KAZN: variants seen among roughly 807,000 people sequenced by gnomAD.
KAZN encodes kazrin.
KAZN carries 40 observed loss-of-function variants against 87.4 expected under a neutral mutation model. The observed-to-expected ratio is 0.46, with a 90% CI of 0.36 to 0.60. The LOEUF (loss-of-function observed/expected upper bound fraction) is 0.60, where lower values mean the gene tolerates loss of function less well. Among genes scored for constraint, KAZN ranks in the 20% least tolerant of loss-of-function variants. The pLI is 0.00. For missense variants in KAZN, 898 were observed against 1,073.9 expected, an observed-to-expected ratio of 0.84 and a Z score of 2.29; for synonymous variants, 466 against 458.3, an observed-to-expected ratio of 1.02 and a Z score of -0.22.
intron 1 of KAZN, among the ~76,000 whole-genome samples, chr1:14,103,793 C>T (rs1315355341): frequency 6.6e-6 from 1 of 152,176 alleles, no homozygotes; most frequent in East Asian, 1.9e-4. Flanking sequence ...CCATCTGCAG[C>T]CTGAATTCCC....
At chr1:14,476,989 T>C (rs1308813474) in intron 2 of KAZN, among the ~76,000 whole-genome samples, 2 of 152,254 alleles carry the variant, frequency 1.3e-5, no homozygotes, top group African/African-American at 4.8e-5. Context: ...TTATCATTCA[T>C]GTCTCAATGT....
intron 2 of KAZN, among the ~76,000 whole-genome samples, chr1:14,475,106 T>A (rs1177481046): frequency 6.6e-6 from 1 of 151,910 alleles, no homozygotes; most frequent in Non-Finnish European, 1.5e-5. Flanking sequence ...AGATGACGGA[T>A]GAATGGATGG....
intron 1 of KAZN, among the ~76,000 whole-genome samples, chr1:14,131,053 AC>A (rs1644982191): frequency 6.6e-6 from 1 of 152,220 alleles, no homozygotes; most frequent in African/African-American, 2.4e-5. Context: ...CAGGAAACTT[AC>A]AATCGTGGCA....
At chr1:14,467,972 G>A (rs1301164779) in intron 2 of KAZN, among the ~76,000 whole-genome samples, 1 of 152,148 alleles carries the variant, frequency 6.6e-6, no homozygotes, top group Non-Finnish European at 1.5e-5. Flanking sequence ...TAAATCACGT[G>A]CTCTTCTCTG....
chr1:14,905,897 G>A (rs914163880), intron 1 of KAZN, among the ~76,000 whole-genome samples: 11 of 139,908 alleles, frequency 7.9e-5, no homozygotes, highest in African/African-American at 1.6e-4. Flanking sequence ...GGCCGGACAC[G>A]GTGGCTCATG....
At chr1:15,020,951 C>A (rs925383748) in intron 2 of KAZN, among the ~76,000 whole-genome samples, 3 of 152,164 alleles carry the variant, frequency 2.0e-5, no homozygotes, top group African/African-American at 7.2e-5. Flanking sequence ...CCTCTCTCCT[C>A]TCTTGTAAAC....
chr1:14,741,462 C>G (rs1186456363), intron 1 of KAZN, among the ~76,000 whole-genome samples: 4 of 152,232 alleles, frequency 2.6e-5, no homozygotes, highest in Admixed American at 6.5e-5. Context: ...CAGTTCCAGC[C>G]TCTTCTCTTG....
intron 2 of KAZN, among the ~76,000 whole-genome samples, chr1:14,970,997 C>T (rs1282535623): frequency 1.3e-5 from 2 of 152,216 alleles, no homozygotes; most frequent in Non-Finnish European, 2.9e-5. Flanking sequence ...CAGGCACTCT[C>T]TTCATTCCTT....
chr1:14,170,872 C>T (rs1645941028), intron 1 of KAZN, among the ~76,000 whole-genome samples: 1 of 152,124 alleles, frequency 6.6e-6, no homozygotes, highest in African/African-American at 2.4e-5. Flanking sequence ...CAGGTGCCTG[C>T]CACCATGCCC....
intron 2 of KAZN, among the ~76,000 whole-genome samples, chr1:14,344,861 G>A (rs1022575595): frequency 6.6e-6 from 1 of 151,850 alleles, no homozygotes; most frequent in African/African-American, 2.4e-5. Flanking sequence ...GAGAGTTCAC[G>A]GGTGGACATA....
chr1:14,355,746 C>T (rs972507379), intron 2 of KAZN, among the ~76,000 whole-genome samples: 6 of 152,176 alleles, frequency 3.9e-5, no homozygotes. Context: ...CATGTCCCTG[C>T]AAATGACATG....
At chr1:14,245,111 C>T (rs1054567924) in intron 2 of KAZN, among the ~76,000 whole-genome samples, 2 of 151,960 alleles carry the variant, frequency 1.3e-5, no homozygotes, top group African/African-American at 4.8e-5. Context: ...CCAGTGCCCA[C>T]CACCACGCCT....
chr1:14,533,041 G>A (rs897481141), intron 2 of KAZN, among the ~76,000 whole-genome samples: 1 of 152,110 alleles, frequency 6.6e-6, no homozygotes, highest in African/African-American at 2.4e-5. Context: ...CTGAGGAATC[G>A]CCACACTGAC....
intron 2 of KAZN, among the ~76,000 whole-genome samples, chr1:14,227,332 T>C (rs1647381444): frequency 6.6e-6 from 1 of 152,058 alleles, no homozygotes; most frequent in African/African-American, 2.4e-5. Flanking sequence ...GAATGGTTCT[T>C]CTCTTCCCCG....
chr1:13,953,613 T>C (rs1020289604), intron 1 of KAZN, among the ~76,000 whole-genome samples: 3 of 152,198 alleles, frequency 2.0e-5, no homozygotes, highest in Non-Finnish European at 2.9e-5. Context: ...TTCTTTCTTT[T>C]TTTTCTTCTC....
At chr1:14,864,966 T>C (rs1651286539) in intron 1 of KAZN, among the ~76,000 whole-genome samples, 1 of 152,148 alleles carries the variant, frequency 6.6e-6, no homozygotes. Flanking sequence ...CTGCCATTAG[T>C]GTTACCCAGC....
chr1:14,397,308 C>CA (rs1662980951), intron 2 of KAZN, among the ~76,000 whole-genome samples: 1 of 152,190 alleles, frequency 6.6e-6, no homozygotes, highest in African/African-American at 2.4e-5. Flanking sequence ...CCAGCATGGT[C>CA]AAATTCTGGT....
At position 15,066,575 on chromosome 1, in the gene KAZN, A is replaced by G. The variant is rs58699517; in HGVS notation, c.1222+822A>G. 24,396 of 984,648 alleles carry G rather than the reference A, an allele frequency of 0.025. 2,941 individuals are homozygous for G. In the African/African-American group the frequency reaches 0.31, roughly 13 times the overall value. 61.0% of individuals were successfully genotyped at this position (984,648 alleles called of 1,614,324 possible). A position where few individuals can be genotyped will look rare whatever the true frequency, so the allele number is the denominator to read the frequency against. On this transcript the variant is annotated intron_variant, in intron 8 of 14. Coordinates refer to ENST00000376030, the MANE Select transcript of KAZN (RefSeq NM_201628.3). This position sits in a 1 kb window ranked among gnomAD's most constrained non-coding sequence, Gnocchi z 4.3. ...CTTTCTTTATGAAAAAAAAGAAAAA[A>G]AGAAAATTGTTTCATTTAATTTATT...
intron 1 of KAZN, among the ~76,000 whole-genome samples, chr1:14,897,652 T>G (rs1449170914): frequency 6.6e-6 from 1 of 152,092 alleles, no homozygotes; most frequent in Non-Finnish European, 1.5e-5. Flanking sequence ...AAGAGTGGCA[T>G]GCTTTTACAC....
Sources: gnomAD v4.1 joint callset for allele counts (sites outside exome capture counted in the v4.1 genomes callset) on GRCh38, gnomAD v4.1.1 for gene constraint, Gnocchi (gnomAD v3.1) non-coding constraint, MANE v1.5 for transcripts, NCBI Gene and HGNC (gene_info 2026-07-23, HGNC 2026-07-21) for gene names.